The following DOCK4 variants were observed in gnomAD, a reference collection of about 807,000 sequenced individuals.
DOCK4 encodes dedicator of cytokinesis 4, also known as dedicator of cytokinesis protein 4.
In DOCK4, 97 loss-of-function variants were observed where a neutral mutation model predicts 268.1. The ratio of observed to expected loss-of-function variants is 0.36; its 90% CI spans 0.31 to 0.43. The LOEUF is 0.43. Ranked by LOEUF, DOCK4 falls within the 20% of genes least tolerant of loss-of-function variation. The pLI, the probability that DOCK4 is intolerant of heterozygous loss-of-function variation, is 1.00. For missense variants in DOCK4, 2,145 were observed against 2,455.7 expected, an observed-to-expected ratio of 0.87 and a Z score of 2.67; for synonymous variants, 954 against 887.2, an observed-to-expected ratio of 1.08 and a Z score of -1.34.
chr7:112,198,298 A>T (rs1820637490), intron 1 of DOCK4, among the ~76,000 whole-genome samples: 1 of 152,144 alleles, frequency 6.6e-6, no homozygotes, highest in Non-Finnish European at 1.5e-5. Context: ...GCAAACCAGG[A>T]AGAAGGCCCT....
chr7:111,799,771 C>G (rs920171226), intron 30 of DOCK4, among the ~76,000 whole-genome samples: 1 of 152,196 alleles, frequency 6.6e-6, no homozygotes, highest in Non-Finnish European at 1.5e-5. Context: ...TTGCAAGCAA[C>G]TTTTAATTAT....
At chr7:111,728,799 C>T in intron 52 of DOCK4, 79 bp from the exon 53 acceptor site, 8 of 1,391,404 alleles carry the variant, frequency 5.7e-6, no homozygotes, top group Non-Finnish European at 7.7e-6. Context: ...TACGCCCCGA[C>T]GCGGAGGCCC....
chr7:111,853,887 T>C (rs1487511519), intron 23 of DOCK4, among the ~76,000 whole-genome samples: 4 of 152,190 alleles, frequency 2.6e-5, no homozygotes, highest in Admixed American at 2.6e-4. Flanking sequence ...ATAAGATTTT[T>C]TTAAATACAC....
intron 39 of DOCK4, among the ~76,000 whole-genome samples, chr7:111,762,191 T>C (rs1467614401): frequency 6.6e-6 from 1 of 152,122 alleles, no homozygotes; most frequent in East Asian, 1.9e-4. Context: ...TCTTTTTTTT[T>C]CTAAAAAAAC....
intron 1 of DOCK4, among the ~76,000 whole-genome samples, chr7:112,012,220 C>G (rs551833192): frequency 1.3e-5 from 2 of 152,050 alleles, no homozygotes; most frequent in South Asian, 4.2e-4. Context: ...AAATAAAAAA[C>G]CCTTTCTCTA....
chr7:112,131,104 A>G (rs1450858082), intron 1 of DOCK4, among the ~76,000 whole-genome samples: 1 of 152,178 alleles, frequency 6.6e-6, no homozygotes, highest in Non-Finnish European at 1.5e-5. Flanking sequence ...AAAACTAACA[A>G]ATGTGATCCT....
chr7:111,970,607 G>T lies in DOCK4; in HGVS notation c.701+6525C>A, dbSNP rs111833797. 4.6e-3 allele frequency among the ~76,000 whole-genome samples: 696 copies of T among 152,246 alleles called. 5 individuals carry two copies. The highest frequency in any genetic ancestry group is 0.016 in the African/African-American group (657 of 41,552). On this transcript the variant is annotated intron_variant, in intron 8 of 52. Transcript: ENST00000428084. ...AGATAAATATGCTCTAAGAACAATT[G>T]GCTCATGTAAAAACCTGGAAAACTC...
chr7:112,160,252 G>A (rs991903428), intron 1 of DOCK4, among the ~76,000 whole-genome samples: 2 of 152,082 alleles, frequency 1.3e-5, no homozygotes, highest in Non-Finnish European at 2.9e-5. Context: ...CTCTCAGAGG[G>A]CTTTTGTGAA....
At chr7:112,057,075 C>T (rs1340825169) in intron 1 of DOCK4, among the ~76,000 whole-genome samples, 1 of 152,016 alleles carries the variant, frequency 6.6e-6, no homozygotes, top group African/African-American at 2.4e-5. Context: ...TACTTGGAAA[C>T]TTAAAATCCC....
intron 17 of DOCK4, among the ~76,000 whole-genome samples, chr7:111,875,629 A>C (rs548280023): frequency 1.3e-5 from 2 of 152,388 alleles, no homozygotes; most frequent in Admixed American, 1.3e-4. Context: ...AGATGGTCAT[A>C]GTCAGAGAGA....
At chr7:112,143,454 C>CA (rs1424485252) in intron 1 of DOCK4, among the ~76,000 whole-genome samples, 1 of 152,158 alleles carries the variant, frequency 6.6e-6, no homozygotes. Context: ...GAAAAGGCAA[C>CA]AAAGCTCCAT....
At chr7:112,088,489 A>C (rs1356498305) in intron 1 of DOCK4, among the ~76,000 whole-genome samples, 1 of 152,168 alleles carries the variant, frequency 6.6e-6, no homozygotes, top group Non-Finnish European at 1.5e-5. Context: ...CCAAACTCCT[A>C]AGTGAAAATT....
chr7:111,801,856 ATTTTTTTTT>A (rs538307512), intron 30 of DOCK4: 1 of 132,818 alleles, frequency 7.5e-6, no homozygotes, highest in Non-Finnish European at 1.6e-5. Flanking sequence ...CGCTGGGCTA[ATTTTTTTTT>A]TTTTTTTTTG....
At chr7:111,999,355 A>G (rs1800232080) in intron 3 of DOCK4, among the ~76,000 whole-genome samples, 1 of 152,134 alleles carries the variant, frequency 6.6e-6, no homozygotes, top group Non-Finnish European at 1.5e-5. Context: ...AAATATATAT[A>G]TGTAGATTTT....
chr7:112,137,421 A>C (rs1236126876), intron 1 of DOCK4, among the ~76,000 whole-genome samples: 1 of 152,198 alleles, frequency 6.6e-6, no homozygotes, highest in Non-Finnish European at 1.5e-5. Flanking sequence ...TCTTTGAGCT[A>C]AAATCTCCCT....
Position 111,774,478 on chromosome 7 carries a change from A to G in DOCK4, c.3679+3798T>C, listed in dbSNP as rs143240237. ...TGAGACTCTGTCTCAAAAGCAAAAC[A>G]AAACAAAAAAATCTGGAAAAAATGC... is the stretch of plus-strand genomic sequence containing the variant. On this transcript the variant is annotated intron_variant, in intron 36 of 52. Transcript: ENST00000428084. Among the ~76,000 whole-genome samples, 259 of 152,256 alleles carry G rather than the reference A, an allele frequency of 1.7e-3. 1 individual carries two copies. The highest frequency in any genetic ancestry group is 5.9e-3 in the African/African-American group (243 of 41,538).
chr7:111,802,077 C>G (rs1034926691), intron 30 of DOCK4, among the ~76,000 whole-genome samples: 1 of 152,132 alleles, frequency 6.6e-6, no homozygotes, highest in Non-Finnish European at 1.5e-5. Flanking sequence ...CTCATTCTAT[C>G]AACACATACA....
intron 26 of DOCK4, among the ~76,000 whole-genome samples, chr7:111,833,002 T>C (rs1012609196): frequency 1.3e-5 from 2 of 152,240 alleles, no homozygotes; most frequent in African/African-American, 4.8e-5. Context: ...TTTCAGTTTA[T>C]GCTTCTCTGC....
At chr7:112,124,164 A>C (rs1423053171) in intron 1 of DOCK4, among the ~76,000 whole-genome samples, 1 of 152,068 alleles carries the variant, frequency 6.6e-6, no homozygotes, top group African/African-American at 2.4e-5. Flanking sequence ...AGCTGGGACT[A>C]CAATACTGCA....
Sources: allele counts gnomAD v4.1 joint callset (sites outside exome capture counted in the v4.1 genomes callset), GRCh38; gene constraint gnomAD v4.1.1; transcripts MANE v1.5; gene names NCBI Gene and HGNC (gene_info 2026-07-23, HGNC 2026-07-21).